KHDRBS2: variants seen among roughly 807,000 people sequenced by gnomAD.
KHDRBS2 encodes the protein KH domain-containing, RNA-binding, signal transduction-associated protein 2.
Under a neutral mutation model 44.3 loss-of-function variants are expected in KHDRBS2, and 26 were observed. That is an observed-to-expected ratio of 0.59 (90% CI 0.43 to 0.81). The LOEUF (loss-of-function observed/expected upper bound fraction) is 0.81, where lower values mean the gene tolerates loss of function less well. Ranked by LOEUF, KHDRBS2 falls within the 40% of genes least tolerant of loss-of-function variation. The pLI is 0.00. For missense variants in KHDRBS2, 476 were observed against 433.1 expected (o/e 1.10, Z -0.88); for synonymous variants, 194 against 151.1 (o/e 1.28, Z -2.08).
intron 6 of KHDRBS2, among the ~76,000 whole-genome samples, chr6:61,762,395 A>G (rs1779394386): frequency 6.6e-6 from 1 of 152,186 alleles, no homozygotes; most frequent in African/African-American, 2.4e-5. Context: ...AATTTCATCC[A>G]CAATGTTGGA....
At chr6:61,769,346 G>C (rs1780481235) in intron 6 of KHDRBS2, among the ~76,000 whole-genome samples, 1 of 152,142 alleles carries the variant, frequency 6.6e-6, no homozygotes, top group African/African-American at 2.4e-5. Context: ...CTGTGCACGA[G>C]CTGAAGCAGG....
Position 62,199,436 on chromosome 6 carries a change from C to T in KHDRBS2, c.92-22124G>A, listed in dbSNP as rs1198446148. ...TGCAAAAATCACAAGCGTTCTTATA[C>T]ATCAATAACAGACAGAGAGCCAAAT... On this transcript the variant is annotated intron_variant, in intron 1 of 8. Coordinates refer to ENST00000281156, the MANE Select transcript of KHDRBS2 (RefSeq NM_152688.4). Among the ~76,000 whole-genome samples, 15 of 152,008 alleles carry T rather than the reference C, an allele frequency of 9.9e-5. No individual in the cohort carries two copies. In the East Asian group the frequency reaches 2.7e-3, roughly 27 times the overall value.
chr6:61,940,166 C>CA (rs1225227832), intron 4 of KHDRBS2, among the ~76,000 whole-genome samples: 1 of 150,496 alleles, frequency 6.6e-6, no homozygotes, highest in Non-Finnish European at 1.5e-5. Flanking sequence ...AACGGAACAA[C>CA]AAAATGTTTG....
In KHDRBS2 at chr6:62,159,675, C is replaced by T. The variant is rs562733627; in HGVS notation, c.219+17510G>A. ...TAAATACTAATAGCCTACTGTTGAC[C>T]GCAAGACTTACTGATAACATAAAGT... is the stretch of plus-strand genomic sequence containing the variant. On this transcript the variant is annotated intron_variant, in intron 2 of 8. Transcript: ENST00000281156. Among the ~76,000 whole-genome samples, 135 of 152,110 alleles carry T rather than the reference C, an allele frequency of 8.9e-4. 1 individual carries two copies. Among genetic ancestry groups the T allele is most frequent in the South Asian group, 4.8e-3 (23 of 4,818 alleles).
chr6:62,063,922 T>A (rs1386845806), intron 2 of KHDRBS2, among the ~76,000 whole-genome samples: 1 of 142,576 alleles, frequency 7.0e-6, no homozygotes, highest in Admixed American at 7.4e-5. Context: ...GATAAGCAAC[T>A]TCAGCAAAGT....
chr6:61,933,216 C>T (rs981182041), intron 4 of KHDRBS2, among the ~76,000 whole-genome samples: 1 of 152,094 alleles, frequency 6.6e-6, no homozygotes, highest in African/African-American at 2.4e-5. Flanking sequence ...CACTTTTAAA[C>T]AACCAGAACT....
chr6:61,609,993 G>A, the KHDRBS2 span, among the ~76,000 whole-genome samples: 55 of 152,218 alleles, frequency 3.6e-4, no homozygotes, highest in African/African-American at 9.9e-4. Flanking sequence ...CTAACACGGT[G>A]AAACCCCGTC....
At chr6:62,264,203 A>AT (rs1229532381) in intron 1 of KHDRBS2, among the ~76,000 whole-genome samples, 2 of 151,818 alleles carry the variant, frequency 1.3e-5, no homozygotes, top group Non-Finnish European at 2.9e-5. Flanking sequence ...GAGTCACATC[A>AT]TTTTTTGAAA....
chr6:61,575,818 T>TTATTCTAAA, the KHDRBS2 span, among the ~76,000 whole-genome samples: 1 of 151,772 alleles, frequency 6.6e-6, no homozygotes, highest in Non-Finnish European at 1.5e-5. Context: ...CTGGATGGAG[T>TTATTCTAAA]TGAAGACCAT....
At chr6:62,025,951 G>A (rs758783426) in intron 3 of KHDRBS2, among the ~76,000 whole-genome samples, 3 of 151,890 alleles carry the variant, frequency 2.0e-5, no homozygotes, top group Non-Finnish European at 4.4e-5. Context: ...GACATTGTAT[G>A]TTTCTCTCAT....
At chr6:62,252,134 T>C (rs1214840940) in intron 1 of KHDRBS2, among the ~76,000 whole-genome samples, 1 of 151,876 alleles carries the variant, frequency 6.6e-6, no homozygotes, top group East Asian at 1.9e-4. Flanking sequence ...TTTGATATTT[T>C]TAATAGGCTT....
chr6:61,858,049 G>T (rs1177711282), intron 6 of KHDRBS2, among the ~76,000 whole-genome samples: 1 of 151,802 alleles, frequency 6.6e-6, no homozygotes, highest in Non-Finnish European at 1.5e-5. Context: ...AGAATAAAAT[G>T]CATTCAAGAT....
chr6:61,768,303 G>C lies in KHDRBS2; in HGVS notation c.811-35539C>G, dbSNP rs561759314. ...GATCTTTCTTTATCCTTGATCTTTG[G>C]GAGTTTGATTTTTAAGTGTCTTGAG... On this transcript the variant is annotated intron_variant, in intron 6 of 8. Transcript: ENST00000281156. Among the ~76,000 whole-genome samples, 21 of 152,024 alleles carry C rather than the reference G, an allele frequency of 1.4e-4. No individual in the cohort carries two copies. In the South Asian group the frequency reaches 3.7e-3, roughly 27 times the overall value.
chr6:62,189,327 C>CT (rs530825091), intron 1 of KHDRBS2, among the ~76,000 whole-genome samples: 55 of 151,502 alleles, frequency 3.6e-4, no homozygotes, highest in Admixed American at 1.3e-3. Flanking sequence ...ACCACCACTT[C>CT]TTTTTTTTAA....
At chr6:62,187,692 G>C (rs1823727307) in intron 1 of KHDRBS2, among the ~76,000 whole-genome samples, 1 of 151,964 alleles carries the variant, frequency 6.6e-6, no homozygotes. Context: ...CTATGGTTTG[G>C]TTTAATTTTT....
intron 2 of KHDRBS2, among the ~76,000 whole-genome samples, chr6:62,096,013 T>C (rs979827164): frequency 2.0e-5 from 3 of 152,018 alleles, no homozygotes; most frequent in Non-Finnish European, 4.4e-5. Flanking sequence ...TCATGTGCTG[T>C]ATCACATTTA....
At chr6:61,712,899 A>ATT (rs1479606195) in intron 7 of KHDRBS2, among the ~76,000 whole-genome samples, 1 of 151,696 alleles carries the variant, frequency 6.6e-6, no homozygotes, top group African/African-American at 2.4e-5. Flanking sequence ...CAAGTCCACA[A>ATT]TTATTTATCC....
intron 6 of KHDRBS2, among the ~76,000 whole-genome samples, chr6:61,850,176 G>A (rs141509940): frequency 2.6e-5 from 4 of 152,074 alleles, no homozygotes; most frequent in African/African-American, 7.2e-5. Context: ...CTATTTTAAT[G>A]TTGGGAGGAC....
At chr6:61,861,158 T>C (rs1335518318) in intron 6 of KHDRBS2, among the ~76,000 whole-genome samples, 1 of 152,166 alleles carries the variant, frequency 6.6e-6, no homozygotes, top group Non-Finnish European at 1.5e-5. Context: ...TCCCATTCTG[T>C]AGATTATCTG....
Sources: gnomAD v4.1 joint callset for allele counts (sites outside exome capture counted in the v4.1 genomes callset) on GRCh38, gnomAD v4.1.1 for gene constraint, MANE v1.5 for transcripts, NCBI Gene and HGNC (gene_info 2026-07-23, HGNC 2026-07-21) for gene names.